PDE4D: variants seen among roughly 807,000 people sequenced by gnomAD.
PDE4D encodes phosphodiesterase 4D, also known as 3',5'-cyclic-AMP phosphodiesterase 4D.
In PDE4D, 24 loss-of-function variants were observed where a neutral mutation model predicts 87.4. That is an observed-to-expected ratio of 0.27 (90% CI 0.20 to 0.39). The LOEUF (loss-of-function observed/expected upper bound fraction) is 0.39, where lower values mean the gene tolerates loss of function less well. PDE4D is among the 10% of genes least tolerant of loss of function. The pLI, the probability that PDE4D is intolerant of heterozygous loss-of-function variation, is 1.00. For synonymous variants in PDE4D, 384 were observed against 383.2 expected (o/e 1.00, Z -0.02); for missense variants, 714 against 1,041.0 (o/e 0.69, Z 4.32).
At chr5:59,308,107 A>G (rs1310225041) in intron 1 of PDE4D, among the ~76,000 whole-genome samples, 1 of 151,782 alleles carries the variant, frequency 6.6e-6, no homozygotes, top group African/African-American at 2.4e-5. Flanking sequence ...AAACTATCGC[A>G]AGAACAAAAA....
At chr5:59,136,889 T>C (rs573957733) in intron 5 of PDE4D, among the ~76,000 whole-genome samples, 1 of 152,312 alleles carries the variant, frequency 6.6e-6, no homozygotes, top group African/African-American at 2.4e-5. Flanking sequence ...ATGAGGACTT[T>C]AAAAGGACAG....
At chr5:60,333,164 C>T (rs772755110) in intron 1 of PDE4D, among the ~76,000 whole-genome samples, 41 of 152,198 alleles carry the variant, frequency 2.7e-4, no homozygotes, top group Admixed American at 1.0e-3. Flanking sequence ...ATCTCTTCTC[C>T]TAGTTCAGGT....
At chr5:60,373,201 A>G (rs531688219) in intron 1 of PDE4D, among the ~76,000 whole-genome samples, 1 of 152,330 alleles carries the variant, frequency 6.6e-6, no homozygotes, top group African/African-American at 2.4e-5. Flanking sequence ...TTTTACTTAA[A>G]TTGTCTAGAG....
chr5:59,105,395 A>G (rs979039468), intron 5 of PDE4D, among the ~76,000 whole-genome samples: 2 of 152,318 alleles, frequency 1.3e-5, no homozygotes, highest in South Asian at 2.1e-4. Context: ...AGCACAGTGG[A>G]AAAACATAGA....
At chr5:60,173,278 T>C (rs1315148472) in intron 2 of PDE4D, among the ~76,000 whole-genome samples, 1 of 151,996 alleles carries the variant, frequency 6.6e-6, no homozygotes. Context: ...CTAATCTGTC[T>C]AAGGCTCATA....
At chr5:60,147,009 C>CT (rs1211853844) in intron 2 of PDE4D, among the ~76,000 whole-genome samples, 1 of 152,114 alleles carries the variant, frequency 6.6e-6, no homozygotes, top group East Asian at 1.9e-4. Flanking sequence ...CCCTTGTACC[C>CT]TGTTGGTGGG....
At chr5:59,863,350 A>G (rs1475141676) in intron 1 of PDE4D, among the ~76,000 whole-genome samples, 2 of 152,250 alleles carry the variant, frequency 1.3e-5, no homozygotes, top group East Asian at 1.9e-4. Context: ...GAATAATACT[A>G]TTAACTTTTT....
At chr5:60,105,591 A>C (rs1293233288) in intron 2 of PDE4D, among the ~76,000 whole-genome samples, 4 of 152,240 alleles carry the variant, frequency 2.6e-5, no homozygotes, top group Non-Finnish European at 5.9e-5. Context: ...TGAAGGAAAA[A>C]ATGTTAAGGG....
intron 1 of PDE4D, among the ~76,000 whole-genome samples, chr5:60,253,296 G>C (rs534914314): frequency 6.6e-6 from 1 of 151,840 alleles, no homozygotes; most frequent in East Asian, 1.9e-4. Flanking sequence ...TCTTGACATA[G>C]GGTTCCACAA....
At chr5:59,090,203 T>C (rs1485279056) in intron 5 of PDE4D, among the ~76,000 whole-genome samples, 3 of 152,166 alleles carry the variant, frequency 2.0e-5, no homozygotes, top group Non-Finnish European at 4.4e-5. Context: ...AGTTTCATCA[T>C]ATCTTTCTTT....
chr5:59,308,656 G>T (rs1054938653), intron 1 of PDE4D, among the ~76,000 whole-genome samples: 2 of 151,898 alleles, frequency 1.3e-5, no homozygotes, highest in Non-Finnish European at 2.9e-5. Flanking sequence ...CTGGTGCAGG[G>T]GGTAGGGGTT....
At chr5:60,491,199 G>A (rs1749512713), upstream of PDE4D, 1 of 152,104 alleles carries the variant, frequency 6.6e-6, no homozygotes, top group South Asian at 2.1e-4. Flanking sequence ...ATGTCAGCAA[G>A]AAGGCCTGCC....
chr5:59,190,599 T>G (rs1158698237), intron 3 of PDE4D, among the ~76,000 whole-genome samples: 4 of 152,168 alleles, frequency 2.6e-5, no homozygotes, highest in African/African-American at 9.7e-5. Context: ...CATAAGTATC[T>G]TATATTTTTA....
intron 1 of PDE4D, among the ~76,000 whole-genome samples, chr5:60,475,335 A>G (rs1436330937): frequency 1.3e-5 from 2 of 152,148 alleles, no homozygotes; most frequent in Non-Finnish European, 2.9e-5. Flanking sequence ...GGGTTTATAC[A>G]TCCTACAACT....
intron 1 of PDE4D, among the ~76,000 whole-genome samples, chr5:59,487,792 G>A (rs1389786789): frequency 2.0e-5 from 3 of 152,156 alleles, no homozygotes; most frequent in East Asian, 1.9e-4. Context: ...AGTTACAGAC[G>A]TTAGGAGGAG....
rs564608208 is a variant in PDE4D, at chr5:60,232,338, G to A, written c.-89-46651C>T. Among the ~76,000 whole-genome samples, 4 of 151,984 alleles carry A rather than the reference G, an allele frequency of 2.6e-5. No homozygotes were observed. The South Asian group carries it at 8.3e-4, about 32-fold the overall frequency. On this transcript the variant is annotated intron_variant, in intron 1 of 16. Transcript: ENST00000502484. Reference sequence around the variant, plus strand: ...TAGATGCTTACAGGGGTGCAAGTAGGTTATACTAAGCCTTTTTGAGTCAAG... The same window carrying A: ...TAGATGCTTACAGGGGTGCAAGTAGATTATACTAAGCCTTTTTGAGTCAAG...
chr5:60,279,706 A>G (rs1751708299), intron 1 of PDE4D, among the ~76,000 whole-genome samples: 1 of 142,962 alleles, frequency 7.0e-6, no homozygotes, highest in African/African-American at 2.7e-5. Context: ...TTTTCTTGAG[A>G]CAGAGTCTCA....
chr5:60,075,230 G>C (rs1411282252), intron 2 of PDE4D, among the ~76,000 whole-genome samples: 2 of 152,170 alleles, frequency 1.3e-5, no homozygotes, highest in Non-Finnish European at 1.5e-5. Context: ...CTCAGCATTT[G>C]TTTGTCTGAA....
intron 1 of PDE4D, among the ~76,000 whole-genome samples, chr5:60,464,605 T>G (rs1221140871): frequency 1.3e-5 from 2 of 152,190 alleles, no homozygotes; most frequent in Non-Finnish European, 2.9e-5. Flanking sequence ...AGTGCCTGTC[T>G]CCTGTGTTAT....
Sources: allele counts gnomAD v4.1 joint callset (sites outside exome capture counted in the v4.1 genomes callset), GRCh38; gene constraint gnomAD v4.1.1; transcripts MANE v1.5; gene names NCBI Gene and HGNC (gene_info 2026-07-23, HGNC 2026-07-21).